Variants in CDK8 observed in about 807,000 individuals in gnomAD.
CDK8 encodes cyclin-dependent kinase 8.
In CDK8, 29 loss-of-function variants were observed where a neutral mutation model predicts 71.5. That is an observed-to-expected ratio of 0.41 (90% CI 0.30 to 0.55). CDK8 has a LOEUF of 0.55. Ranked by LOEUF, CDK8 falls within the 20% of genes least tolerant of loss-of-function variation. CDK8 has a pLI of 0.37. For missense variants in CDK8, 288 were observed against 572.6 expected (o/e 0.50, Z 5.07); for synonymous variants, 161 against 192.1 (o/e 0.84, Z 1.34).
Position 26,404,564 on chromosome 13 carries a change from CT to C in CDK8, c.*486del. On this transcript the variant is annotated 3_prime_UTR_variant, in exon 13 of 13. Transcript: ENST00000381527. ...TCGAAATGAGATTATTTTGGTACAC[CT>C]TTCTTTTTAGTGTCTTATCAGTGGG... 1 of 232,592 alleles carries C rather than the reference CT, an allele frequency of 4.3e-6. No individual in the cohort carries two copies. 14.4% of individuals were successfully genotyped at this position (232,592 alleles called of 1,614,324 possible).
At chr13:26,395,431 C>T (rs373666530) in intron 7 of CDK8, among the ~76,000 whole-genome samples, 33 of 150,166 alleles carry the variant, frequency 2.2e-4, no homozygotes, top group African/African-American at 6.9e-4. Context: ...TGGGGTGAGC[C>T]GAGATCGCAC....
At chr13:26,256,739 T>G (rs1566459247) in intron 1 of CDK8, among the ~76,000 whole-genome samples, 1 of 152,212 alleles carries the variant, frequency 6.6e-6, no homozygotes, top group South Asian at 2.1e-4. Context: ...CTTAGTCATC[T>G]GTGACAGCTG....
intron 4 of CDK8, among the ~76,000 whole-genome samples, chr13:26,361,835 G>T (rs904809820): frequency 2.0e-5 from 2 of 101,706 alleles, no homozygotes; most frequent in East Asian, 3.3e-4. Context: ...TCACTGTGTT[G>T]CCCAGGCTAG....
chr13:26,344,472 C>T (rs1302105760), intron 2 of CDK8, among the ~76,000 whole-genome samples: 5 of 152,074 alleles, frequency 3.3e-5, no homozygotes, highest in Non-Finnish European at 4.4e-5. Context: ...AGAAAGTCTT[C>T]AGGGAGGCCA....
At chr13:26,305,812 C>A (rs917039379) in intron 1 of CDK8, among the ~76,000 whole-genome samples, 1 of 152,024 alleles carries the variant, frequency 6.6e-6, no homozygotes, top group African/African-American at 2.4e-5. Flanking sequence ...AATCTGTGTT[C>A]TATCTTGAGG....
chr13:26,345,222 A>G (rs1363372341), intron 2 of CDK8, among the ~76,000 whole-genome samples: 1 of 152,158 alleles, frequency 6.6e-6, no homozygotes, highest in Admixed American at 6.5e-5. Flanking sequence ...GGGCTTCAGC[A>G]TAGGAATTTT....
intron 6 of CDK8, among the ~76,000 whole-genome samples, chr13:26,387,176 G>A (rs892528023): frequency 5.3e-5 from 8 of 152,078 alleles, no homozygotes; most frequent in African/African-American, 1.9e-4. Flanking sequence ...AGAAAGAAAA[G>A]CCTACTATCT....
chr13:26,263,781 A>C (rs1361484550), intron 1 of CDK8, among the ~76,000 whole-genome samples: 123 of 127,230 alleles, frequency 9.7e-4, no homozygotes, highest in Non-Finnish European at 1.7e-3. Flanking sequence ...GAGTCTCGCT[A>C]TGTCACCCAG....
chr13:26,375,837 T>C (rs1195453287), intron 4 of CDK8, among the ~76,000 whole-genome samples: 1 of 152,230 alleles, frequency 6.6e-6, no homozygotes, highest in African/African-American at 2.4e-5. Context: ...ATAAATCTGT[T>C]AGCATGATTT....
At chr13:26,258,799 G>A (rs373153227) in intron 1 of CDK8, among the ~76,000 whole-genome samples, 4 of 152,134 alleles carry the variant, frequency 2.6e-5, no homozygotes. Flanking sequence ...TACTTTAGAT[G>A]ATGGTGCATT....
intron 1 of CDK8, among the ~76,000 whole-genome samples, chr13:26,318,419 C>A (rs963800055): frequency 1.3e-5 from 2 of 152,114 alleles, no homozygotes; most frequent in Non-Finnish European, 2.9e-5. Flanking sequence ...GGAGGAAACA[C>A]TTCCTAACTC....
chr13:26,355,919 C>A (rs190818678), intron 4 of CDK8, among the ~76,000 whole-genome samples: 184 of 151,942 alleles, frequency 1.2e-3, no homozygotes, highest in African/African-American at 4.1e-3. Context: ...TTTTTAAAAC[C>A]AATATTTAAA....
intron 1 of CDK8, among the ~76,000 whole-genome samples, chr13:26,329,320 C>A (rs184966624): frequency 6.6e-6 from 1 of 152,040 alleles, no homozygotes; most frequent in African/African-American, 2.4e-5. Flanking sequence ...TGGTCCCATC[C>A]TCTTATTTTT....
intron 1 of CDK8, among the ~76,000 whole-genome samples, chr13:26,336,140 CACAT>C (rs1364681398): frequency 2.7e-5 from 4 of 149,644 alleles, no homozygotes; most frequent in African/African-American, 1.0e-4. Context: ...CACACACACA[CACAT>C]ACACACATAC....
chr13:26,307,684 TCA>T (rs1179249028), intron 1 of CDK8, among the ~76,000 whole-genome samples: 1 of 152,064 alleles, frequency 6.6e-6, no homozygotes, highest in African/African-American at 2.4e-5. Flanking sequence ...TGTAGACCTC[TCA>T]CCCTAGAAAT....
intron 1 of CDK8, among the ~76,000 whole-genome samples, chr13:26,268,321 GTTATT>G (rs1872135673): frequency 7.1e-6 from 1 of 139,934 alleles, no homozygotes; most frequent in Non-Finnish European, 1.5e-5. Context: ...TCCTGTGTAT[GTTATT>G]TTATTTTGAG....
chr13:26,376,158 AT>A (rs1280396822), intron 4 of CDK8, among the ~76,000 whole-genome samples: 1 of 151,772 alleles, frequency 6.6e-6, no homozygotes, highest in Non-Finnish European at 1.5e-5. Flanking sequence ...GTTTAGAATA[AT>A]AATTGGAATT....
intron 6 of CDK8, 115 bp from the exon 7 acceptor site, chr13:26,393,252 C>T (rs1875835016): frequency 3.2e-6 from 2 of 633,296 alleles, no homozygotes; most frequent in South Asian, 2.4e-5. Flanking sequence ...AAAAACACTC[C>T]CCAAGAAAAT....
In CDK8 at chr13:26,307,841, TA is replaced by T. The variant is rs549873278; in HGVS notation, c.129-29718del. 1.1e-3 allele frequency among the ~76,000 whole-genome samples: 167 copies of T among 152,112 alleles called. 1 individual carries two copies. Among genetic ancestry groups the T allele is most frequent in the African/African-American group, 3.9e-3 (161 of 41,500 alleles). On this transcript the variant is annotated intron_variant, in intron 1 of 12. Transcript: ENST00000381527. The stretch of plus-strand genomic sequence containing the variant: ...ACCTAATAATGCTTATTCTGCAACT[TA>T]AAAAAAAGTGTTAGCACTTGCTAAC...
Sources: gnomAD v4.1 joint callset for allele counts (sites outside exome capture counted in the v4.1 genomes callset) on GRCh38, gnomAD v4.1.1 for gene constraint, MANE v1.5 for transcripts, NCBI Gene and HGNC (gene_info 2026-07-23, HGNC 2026-07-21) for gene names.